FREM1: variants seen among roughly 807,000 people sequenced by gnomAD.
The protein encoded by FREM1 is FRAS1 related extracellular matrix 1, also known as FRAS1-related extracellular matrix protein 1.
Under a neutral mutation model 210.1 loss-of-function variants are expected in FREM1, and 220 were observed. That is an observed-to-expected ratio of 1.05 (90% confidence interval 0.94 to 1.17). FREM1 has a LOEUF of 1.17. Among genes scored for constraint, FREM1 ranks in the 50% most tolerant of loss-of-function variants. The pLI, the probability that FREM1 is intolerant of heterozygous loss-of-function variation, is 0.00. For synonymous variants in FREM1, 1,189 were observed against 980.2 expected, an observed-to-expected ratio of 1.21 and a Z score of -3.98; for missense variants, 3,454 against 2,675.5, an observed-to-expected ratio of 1.29 and a Z score of -6.42.
intron 6 of FREM1, among the ~76,000 whole-genome samples, chr9:14,849,178 TA>T (rs1564070717): frequency 6.6e-6 from 1 of 152,128 alleles, no homozygotes; most frequent in Non-Finnish European, 1.5e-5. Flanking sequence ...GAGGCATTTT[TA>T]ATTTCAGAAG....
At position 14,776,007 on chromosome 9, in the gene FREM1, C is replaced by A. The variant is rs748462601; in HGVS notation, c.4639G>T (p.Val1547Phe). ...AGCTGGCCATGCTGGGGGAGCTGAA[C>A]CAAGAGGAAGGTGAGGTTCTCCGCA... ...TPAENLTFLLVQLPQHGQLYL... is the reference protein window; with the variant it reads ...TPAENLTFLLFQLPQHGQLYL... The change falls in exon 25 of 37, where the codon GTT becomes TTT. Residue 1547 changes from valine (V) to phenylalanine (F), a missense_variant. Transcript: ENST00000380880. 6.2e-6 allele frequency: 10 copies of A among 1,613,982 alleles called. No homozygotes were observed. In the South Asian group the frequency reaches 1.1e-4, roughly 18 times the overall value.
At chr9:14,746,324 C>A (rs528989372) in intron 35 of FREM1, 29 bp downstream of exon 35, 4 of 1,455,316 alleles carry the variant, frequency 2.7e-6, no homozygotes, top group African/African-American at 2.8e-5. Context: ...AAAGAAAACA[C>A]CAATCAAATG....
Position 14,748,654 on chromosome 9 carries a change from G to T in FREM1, c.5558-15C>A. On this transcript the variant is annotated splice_polypyrimidine_tract_variant and intron_variant, in intron 30 of 36. Coordinates refer to ENST00000380880, the MANE Select transcript of FREM1 (RefSeq NM_001379081.2). ...ATGGCATTGTCCTGGAGGCATGCAA[G>T]ATGGCAGGCGGTCAGTTCATTTTAC... The T allele has an allele frequency of 6.5e-7, 1 of 1,541,198 alleles. No homozygotes were observed. Among genetic ancestry groups the T allele is most frequent in the Non-Finnish European group, 8.9e-7 (1 of 1,119,396 alleles).
chr9:14,896,759 A>G (rs1237089255), intron 1 of FREM1, among the ~76,000 whole-genome samples: 2 of 152,246 alleles, frequency 1.3e-5, no homozygotes, highest in Non-Finnish European at 2.9e-5. Flanking sequence ...GTGATAGCAT[A>G]GGAGCAAAAT....
Position 14,805,091 on chromosome 9 carries a change from C to T in FREM1, c.3336G>A (p.Leu1112=), listed in dbSNP as rs1818113631. ...FHINYVQSRH[L]RIEPTADQFT... ...ACTGGTCGGCAGTTGGTTCTATCCTCAGATGCCTGGACTGCACATAGTTAA... is the reference window on the plus strand; with the variant it reads ...ACTGGTCGGCAGTTGGTTCTATCCTTAGATGCCTGGACTGCACATAGTTAA... Residue 1112 remains leucine (L), a synonymous_variant, in exon 19 of 37, where the codon CTG becomes CTA. Transcript: ENST00000380880. 2 of 1,613,102 alleles carry T rather than the reference C, an allele frequency of 1.2e-6. No individual in the cohort carries two copies. Among genetic ancestry groups the T allele is most frequent in the Non-Finnish European group, 1.7e-6 (2 of 1,179,328 alleles).
intron 4 of FREM1, among the ~76,000 whole-genome samples, 164 bp downstream of exon 4, chr9:14,859,019 G>A (rs1473752200): frequency 3.3e-5 from 5 of 152,112 alleles, no homozygotes; most frequent in South Asian, 2.1e-4. Context: ...TCAAAACCAG[G>A]TCTTTCTGAT....
At chr9:14,898,184 C>T (rs1172342826) in intron 1 of FREM1, among the ~76,000 whole-genome samples, 3 of 152,110 alleles carry the variant, frequency 2.0e-5, no homozygotes, top group Non-Finnish European at 4.4e-5. Flanking sequence ...AGCAAGGTTC[C>T]TATTCTTCCT....
At chr9:14,825,567 A>ATATATATC (rs1822287510) in intron 10 of FREM1, among the ~76,000 whole-genome samples, 1 of 143,034 alleles carries the variant, frequency 7.0e-6, no homozygotes, top group Admixed American at 7.0e-5. Flanking sequence ...ATATATATAT[A>ATATATATC]TATACCACAA....
At chr9:14,804,533 C>T (rs542403784) in intron 19 of FREM1, among the ~76,000 whole-genome samples, 14 of 152,092 alleles carry the variant, frequency 9.2e-5, no homozygotes, top group Non-Finnish European at 7.4e-5. Flanking sequence ...TGCAGTGAGC[C>T]GAGGTCGCGC....
rs1417423945 is a variant in FREM1, at chr9:14,860,982, CACATATAT to C, written c.330-1506_330-1499del. ...ATATATACACATATATACATATATACACATATATACATATATATACACATATATACATA... is the reference window on the plus strand; with the variant it reads ...ATATATACACATATATACATATATACACATATATATACACATATATACATA... On this transcript the variant is annotated intron_variant, in intron 3 of 36. Coordinates refer to ENST00000380880, the MANE Select transcript of FREM1 (RefSeq NM_001379081.2). 3.2e-5 allele frequency among the ~76,000 whole-genome samples: 3 copies of C among 95,140 alleles called. 1 individual carries two copies. Among genetic ancestry groups the C allele is most frequent in the Non-Finnish European group, 6.0e-5 (3 of 49,850 alleles). 62.4% of individuals were successfully genotyped at this position (95,140 alleles called of 152,430 possible).
At chr9:14,833,531 T>G (rs1440578887) in intron 10 of FREM1, among the ~76,000 whole-genome samples, 1 of 152,212 alleles carries the variant, frequency 6.6e-6, no homozygotes, top group East Asian at 1.9e-4. Flanking sequence ...CTATCACTCC[T>G]TTGAAAATAC....
chr9:14,860,892 TACATATATACAC>T (rs1830066184), intron 3 of FREM1, among the ~76,000 whole-genome samples: 1 of 84,708 alleles, frequency 1.2e-5, no homozygotes. Context: ...TACACATATA[TACATATATACAC>T]ATATACACAT....
Position 14,860,747 on chromosome 9 carries a change from ATG to A in FREM1, c.330-1265_330-1264del, listed in dbSNP as rs1373151517. ...TATATACACATATATACACATATAT[ATG>A]CACATATATATGCACATATATACAC... On this transcript the variant is annotated intron_variant, in intron 3 of 36. Transcript: ENST00000380880. 7.5e-4 allele frequency among the ~76,000 whole-genome samples: 92 copies of A among 123,134 alleles called. 2 individuals carry two copies. The highest frequency in any genetic ancestry group is 1.4e-3 in the African/African-American group (40 of 29,300). 80.8% of individuals were successfully genotyped at this position (123,134 alleles called of 152,430 possible). A position where few individuals can be genotyped will look rare whatever the true frequency, so the allele number is the denominator to read the frequency against.
At chr9:14,852,247 A>C (rs1482990637) in intron 5 of FREM1, among the ~76,000 whole-genome samples, 1 of 152,196 alleles carries the variant, frequency 6.6e-6, no homozygotes, top group Non-Finnish European at 1.5e-5. Flanking sequence ...TCTTCAAGCA[A>C]GGGTTGGGCA....
chr9:14,834,532 C>G (rs1824180918), intron 10 of FREM1, among the ~76,000 whole-genome samples: 1 of 152,094 alleles, frequency 6.6e-6, no homozygotes, highest in Non-Finnish European at 1.5e-5. Flanking sequence ...TAGCTTTAAA[C>G]CGAATTTTCA....
chr9:14,834,658 A>C (rs1039808357), intron 10 of FREM1, among the ~76,000 whole-genome samples: 2 of 152,162 alleles, frequency 1.3e-5, no homozygotes, highest in Non-Finnish European at 2.9e-5. Context: ...AATGGTTCAG[A>C]GGGCCCCTGA....
chr9:14,872,170 T>C (rs1230457983), intron 1 of FREM1, among the ~76,000 whole-genome samples: 1 of 152,218 alleles, frequency 6.6e-6, no homozygotes, highest in Non-Finnish European at 1.5e-5. Flanking sequence ...TGGTTCCATA[T>C]GAACTTTAAA....
intron 21 of FREM1, among the ~76,000 whole-genome samples, chr9:14,797,004 G>T (rs1852536136): frequency 6.6e-6 from 1 of 152,192 alleles, no homozygotes; most frequent in South Asian, 2.1e-4. Flanking sequence ...ATGGAACACA[G>T]TAGAGAACTG....
rs151106543 is a variant in FREM1 at position 14,865,600 on chromosome 9, G to T, written c.235-1697C>A. Reference sequence around the variant, plus strand: ...TTAATACAGTCGTCTTGCTAGAAATGGGTTCACATAAGCTTGGCTTTCAGC... The same window carrying T: ...TTAATACAGTCGTCTTGCTAGAAATTGGTTCACATAAGCTTGGCTTTCAGC... On this transcript the variant is annotated intron_variant, in intron 2 of 36. Coordinates refer to ENST00000380880, the MANE Select transcript of FREM1 (RefSeq NM_001379081.2). Among the ~76,000 whole-genome samples the T allele has an allele frequency of 2.6e-3, 394 of 151,952 alleles. 3 individuals are homozygous for T. The highest frequency in any genetic ancestry group is 9.1e-3 in the African/African-American group (378 of 41,404).
Sources: allele counts gnomAD v4.1 joint callset (sites outside exome capture counted in the v4.1 genomes callset), GRCh38; gene constraint gnomAD v4.1.1; transcripts MANE v1.5; gene names NCBI Gene and HGNC (gene_info 2026-07-23, HGNC 2026-07-21).